The following PLEKHJ1 variants were observed in gnomAD, a reference collection of about 807,000 sequenced individuals.
PLEKHJ1 encodes pleckstrin homology domain-containing family J member 1.
PLEKHJ1 carries 20 observed loss-of-function variants against 21.7 expected under a neutral mutation model. The observed-to-expected ratio is 0.92, with a 90% CI of 0.65 to 1.34. The LOEUF is 1.34. Among genes scored for constraint, PLEKHJ1 ranks in the 40% most tolerant of loss-of-function variants. The pLI is 0.00. For synonymous variants in PLEKHJ1, 113 were observed against 80.6 expected, an observed-to-expected ratio of 1.40 and a Z score of -2.15; for missense variants, 241 against 202.0, an observed-to-expected ratio of 1.19 and a Z score of -1.17.
chr19:2,235,807 C>A lies in PLEKHJ1; in HGVS notation c.184G>T (p.Glu62Ter). 6.4e-7 allele frequency: 1 copy of A among 1,552,120 alleles called. No individual in the cohort carries two copies. Among genetic ancestry groups the A allele is most frequent in the Non-Finnish European group, 8.7e-7 (1 of 1,148,120 alleles). The part of the protein sequence containing the change: ...EAEPVGALLL[E>*]RCRVVREEPG... ...TCTTCCCGGACGACTCTGCAGCGCT[C>A]CAGCAGCAGGGCTCCGACGGGCTGG... The change falls in exon 3 of 6, where the codon GAG becomes TAG. Residue 62 changes from glutamate to a stop codon, truncating the protein, a stop_gained. Coordinates refer to ENST00000326631, the MANE Select transcript of PLEKHJ1 (RefSeq NM_018049.3). LOFTEE classifies it high-confidence loss of function.
rs954595741 is a variant in PLEKHJ1, at chr19:2,233,778, G to A, written c.*62C>T. ...ACAAAACAGATCCAGGCATGGCCAAGCGATTCATGGCTGGGCAGGGCCAGT... is the reference window on the plus strand; with the variant it reads ...ACAAAACAGATCCAGGCATGGCCAAACGATTCATGGCTGGGCAGGGCCAGT... On this transcript the variant is annotated 3_prime_UTR_variant, in exon 6 of 6. Coordinates refer to ENST00000326631, the MANE Select transcript of PLEKHJ1 (RefSeq NM_018049.3). 22 of 1,465,374 alleles carry A rather than the reference G, an allele frequency of 1.5e-5. No individual in the cohort carries two copies. Among genetic ancestry groups the A allele is most frequent in the African/African-American group, 8.4e-5 (6 of 71,422 alleles). The allele number at this position is 1,465,374 out of a possible 1,614,324, so 90.8% of individuals were successfully genotyped here. A position where few individuals can be genotyped will look rare whatever the true frequency, so the allele number is the denominator to read the frequency against.
chr19:2,232,887 G>T (rs1207332849), downstream of PLEKHJ1, among the ~76,000 whole-genome samples: 1 of 152,192 alleles, frequency 6.6e-6, no homozygotes, highest in African/African-American at 2.4e-5. Context: ...ATGGACCAAA[G>T]CCCGCCCAGG....
chr19:2,230,064 T>C, downstream of PLEKHJ1: 1 of 603,410 alleles, frequency 1.7e-6, no homozygotes, highest in Non-Finnish European at 2.9e-6. Context: ...AAAAGGCAAC[T>C]TATTGAGAAA....
chr19:2,230,246 C>T (rs576378606), downstream of PLEKHJ1: 40 of 415,492 alleles, frequency 9.6e-5, 1 homozygote, highest in South Asian at 8.1e-4. Context: ...TTCTCGGAAA[C>T]GCCGCCCGGC....
At chr19:2,235,487 C>T (rs1353131388) in intron 3 of PLEKHJ1, 7 of 501,402 alleles carry the variant, frequency 1.4e-5, no homozygotes, top group Non-Finnish European at 2.5e-5. Context: ...GGGGCTGGCC[C>T]ACCTGCCCTG....
intron 3 of PLEKHJ1, chr19:2,234,646 C>T (rs1330086273): frequency 2.0e-5 from 4 of 204,788 alleles, no homozygotes; most frequent in Non-Finnish European, 4.0e-5. Flanking sequence ...GGGGTTGAGG[C>T]TGCAGTGAGC....
At chr19:2,231,483 G>T (rs571676681), downstream of PLEKHJ1, 9 of 206,236 alleles carry the variant, frequency 4.4e-5, no homozygotes, top group East Asian at 4.4e-4. Context: ...TGAGGGGGGT[G>T]CTGCCTCCCC....
Position 2,234,138 on chromosome 19 carries a change from GCCTGGCCCCA to G in PLEKHJ1, c.320+2_320+11del, listed in dbSNP as rs767376986. The G allele has an allele frequency of 3.5e-5, 57 of 1,611,958 alleles. No homozygotes were observed. The highest frequency in any genetic ancestry group is 4.7e-5 in the Non-Finnish European group (55 of 1,179,716). On this transcript the variant is annotated splice_donor_variant and splice_donor_5th_base_variant and intron_variant, in intron 4 of 5. Coordinates refer to ENST00000326631, the MANE Select transcript of PLEKHJ1 (RefSeq NM_018049.3). LOFTEE classifies it high-confidence loss of function. The stretch of plus-strand genomic sequence containing the variant: ...GCCCACCCCAGCAGTGCCCACCACC[GCCTGGCCCCA>G]CCTGGCCCGACGCAGAGCCTCCATC...
chr19:2,235,831 G>A lies in PLEKHJ1; in HGVS notation c.163-3C>T. Reference sequence around the variant, plus strand: ...TCCAGCAGCAGGGCTCCGACGGGCTGGAGGAGACACGGGCGCCGGGACGGG... The same window carrying A: ...TCCAGCAGCAGGGCTCCGACGGGCTAGAGGAGACACGGGCGCCGGGACGGG... On this transcript the variant is annotated splice_region_variant and splice_polypyrimidine_tract_variant and intron_variant, in intron 2 of 5. Transcript: ENST00000326631. 1 of 1,559,180 alleles carries A rather than the reference G, an allele frequency of 6.4e-7. No homozygotes were observed. Among genetic ancestry groups the A allele is most frequent in the Non-Finnish European group, 8.7e-7 (1 of 1,152,100 alleles).
intron 4 of PLEKHJ1, 33 bp downstream of exon 4, chr19:2,234,115 CCA>C (rs1312335549): frequency 1.2e-6 from 2 of 1,611,022 alleles, no homozygotes; most frequent in African/African-American, 2.7e-5. Flanking sequence ...GCTGCTGTGC[CCA>C]CCCCAGCAGT....
intron 1 of PLEKHJ1, 56 bp downstream of exon 1, chr19:2,236,099 C>T: frequency 2.9e-6 from 4 of 1,398,966 alleles, no homozygotes; most frequent in Non-Finnish European, 2.8e-6. Flanking sequence ...CCCGCCCAGA[C>T]CCCGGCCCCG....
At chr19:2,231,014 C>A (rs188082149), downstream of PLEKHJ1, 213 of 238,892 alleles carry the variant, frequency 8.9e-4, 3 homozygotes, top group Admixed American at 7.4e-3. Flanking sequence ...GTCGGCCCCC[C>A]ACTCTGCAGC....
chr19:2,235,944 G>A lies in PLEKHJ1; in HGVS notation c.141C>T (p.Tyr47=). 1.2e-6 allele frequency: 2 copies of A among 1,610,502 alleles called. No individual in the cohort carries two copies. Among genetic ancestry groups the A allele is most frequent in the Non-Finnish European group, 1.7e-6 (2 of 1,179,084 alleles). Residue 47 remains tyrosine, a synonymous_variant, in exon 2 of 6, where the codon TAC becomes TAT. Transcript: ENST00000326631. ...LVKLVVNFLF[Y]FRTDEAEPVG... ...CTACCTCGGCCTCGTCTGTCCGAAA[G>A]TAGAAGAGGAAATTCACCACCAGCT...
chr19:2,230,260 CT>C (rs2024541106), downstream of PLEKHJ1: 2 of 427,374 alleles, frequency 4.7e-6, no homozygotes, highest in Non-Finnish European at 8.2e-6. Context: ...GCCCGGCCGG[CT>C]CCCCCGACGC....
At position 2,233,489 on chromosome 19, in the gene PLEKHJ1, T is replaced by C. The variant is rs1387330251; in HGVS notation, c.*351A>G. On this transcript the variant is annotated 3_prime_UTR_variant, in exon 6 of 6. Coordinates refer to ENST00000326631, the MANE Select transcript of PLEKHJ1 (RefSeq NM_018049.3). The stretch of plus-strand genomic sequence containing the variant: ...TCCTGGGGCCCCAGGGAGCGCAGCT[T>C]GCTGGGCAGTTTCATAAAATGCAGC... 1 of 333,296 alleles carries C rather than the reference T, an allele frequency of 3.0e-6. No individual in the cohort carries two copies. Among genetic ancestry groups the C allele is most frequent in the Non-Finnish European group, 5.5e-6 (1 of 180,602 alleles). The allele number at this position is 333,296 out of a possible 1,614,324, so 20.6% of individuals were successfully genotyped here.
At chr19:2,232,085 G>C (rs2024624015), downstream of PLEKHJ1, 3 of 212,490 alleles carry the variant, frequency 1.4e-5, no homozygotes, top group Admixed American at 5.9e-5. Context: ...GGAGACTGGG[G>C]ATCTGGAGCC....
intron 1 of PLEKHJ1, 71 bp downstream of exon 1, chr19:2,236,084 G>C (rs1278600577): frequency 7.1e-7 from 1 of 1,413,498 alleles, no homozygotes; most frequent in South Asian, 1.5e-5. Flanking sequence ...CCGGCCTCCG[G>C]CACCCCCGCC....
At chr19:2,234,446 C>T in intron 3 of PLEKHJ1, 1 of 558,136 alleles carries the variant, frequency 1.8e-6, no homozygotes, top group South Asian at 2.3e-5. Context: ...TGCGGTGGCT[C>T]ATGCCTATAA....
intron 3 of PLEKHJ1, 48 bp downstream of exon 3, chr19:2,235,714 G>A (rs1213286252): frequency 3.3e-6 from 5 of 1,508,034 alleles, no homozygotes; most frequent in South Asian, 1.2e-5. Flanking sequence ...GGCGCTGCGG[G>A]TGCCCCGGGC....
Sources: allele counts gnomAD v4.1 joint callset (sites outside exome capture counted in the v4.1 genomes callset), GRCh38; gene constraint gnomAD v4.1.1; transcripts MANE v1.5; gene names NCBI Gene and HGNC (gene_info 2026-07-23, HGNC 2026-07-21).